TRIM16: variants seen among roughly 807,000 people sequenced by gnomAD.
TRIM16 encodes tripartite motif containing 16, also known as tripartite motif-containing protein 16.
Under a neutral mutation model 50.4 loss-of-function variants are expected in TRIM16, and 33 were observed. That is an observed-to-expected ratio of 0.65 (90% confidence interval 0.50 to 0.88). TRIM16 has a LOEUF of 0.88. TRIM16 is among the 40% of genes least tolerant of loss of function. The pLI, the probability that TRIM16 is intolerant of heterozygous loss-of-function variation, is 0.00. For missense variants in TRIM16, 581 were observed against 686.8 expected (o/e 0.85, Z 1.72); for synonymous variants, 229 against 270.7 (o/e 0.85, Z 1.51).
At chr17:15,681,359 A>G (rs1213746977) in intron 3 of TRIM16, 1 of 160,060 alleles carries the variant, frequency 6.2e-6, no homozygotes, top group Non-Finnish European at 1.4e-5. Flanking sequence ...AGCAAAAGAC[A>G]GCAGTGCCCA....
intron 6 of TRIM16, among the ~76,000 whole-genome samples, chr17:15,673,636 T>A (rs1000226461): frequency 3.3e-5 from 5 of 151,706 alleles, no homozygotes; most frequent in African/African-American, 1.2e-4. Flanking sequence ...GGGAAAATAA[T>A]TCATGGAAAC....
chr17:15,681,537 G>A (rs536042814), intron 3 of TRIM16, among the ~76,000 whole-genome samples: 1 of 152,322 alleles, frequency 6.6e-6, no homozygotes, highest in Non-Finnish European at 1.5e-5. Context: ...CGGTGTACTT[G>A]GCAGACAGCA....
chr17:15,664,462 G>C (rs1205988191), intron 6 of TRIM16, among the ~76,000 whole-genome samples: 2 of 152,030 alleles, frequency 1.3e-5, no homozygotes, highest in Non-Finnish European at 2.9e-5. Flanking sequence ...AGCATTCTAG[G>C]AGGCCGAGGT....
In TRIM16 at chr17:15,651,453, T is replaced by C. The variant is rs751946025; in HGVS notation, c.157A>G (p.Arg53Gly). 6.2e-7 allele frequency: 1 copy of C among 1,612,218 alleles called. No homozygotes were observed. The highest frequency in any genetic ancestry group is 1.1e-5 in the South Asian group (1 of 90,928). The change falls in exon 7 of 12, where the codon AGG (arginine) becomes GGG (glycine). Residue 53 changes from arginine to glycine, a missense_variant. By Grantham distance (125) the Arg-to-Gly change is moderately radical. This residue lies in a region of TRIM16 where 450 missense variants were observed against 544.3 expected (regional missense o/e 0.83). Transcript: ENST00000649191. ...TCGCTGTCCTGTTCCTCCGTCTCCC[T>C]GCCAAGCTTCTCCGAGGAGCCCACG... ...EDVGSSEKLG[R>G]ETEEQDSDSA...
At chr17:15,675,859 T>C (rs1988917209) in intron 6 of TRIM16, among the ~76,000 whole-genome samples, 4 of 148,616 alleles carry the variant, frequency 2.7e-5, no homozygotes. Flanking sequence ...ACTATACATA[T>C]ATATATACTT....
At chr17:15,653,307 C>T (rs1397011135) in intron 6 of TRIM16, among the ~76,000 whole-genome samples, 4 of 152,202 alleles carry the variant, frequency 2.6e-5, no homozygotes, top group East Asian at 1.9e-4. Flanking sequence ...CCTGCAAAAC[C>T]GTGAGCCAAA....
intron 6 of TRIM16, among the ~76,000 whole-genome samples, chr17:15,659,261 G>A (rs1988110759): frequency 6.6e-6 from 1 of 152,210 alleles, no homozygotes; most frequent in Admixed American, 6.5e-5. Context: ...AGTCTCCGAA[G>A]GTCTAGTCCT....
Position 15,665,005 on chromosome 17 carries a change from C to T in TRIM16, c.-338+12171G>A, listed in dbSNP as rs1163603539. ...AGAGATGGCACCATTGCACTCCAGC[C>T]TGGGCAACAGAGTGAGACTCCGTCT... On this transcript the variant is annotated intron_variant, in intron 6 of 11. Transcript: ENST00000649191. Among the ~76,000 whole-genome samples the T allele has an allele frequency of 4.4e-5, 6 of 136,362 alleles. No individual in the cohort carries two copies. The South Asian group carries it at 1.4e-3, about 31-fold the overall frequency. The allele number at this position is 136,362 out of a possible 152,430, so 89.5% of individuals were successfully genotyped here.
At chr17:15,666,376 C>A (rs1988502277) in intron 6 of TRIM16, among the ~76,000 whole-genome samples, 1 of 152,144 alleles carries the variant, frequency 6.6e-6, no homozygotes, top group South Asian at 2.1e-4. Context: ...GCCACTGCAC[C>A]CACCCTCAGA....
intron 4 of TRIM16, among the ~76,000 whole-genome samples, chr17:15,678,670 C>T (rs1445564690): frequency 2.0e-5 from 3 of 152,198 alleles, no homozygotes; most frequent in Non-Finnish European, 4.4e-5. Flanking sequence ...GCAAACAATA[C>T]ACTTCTATTG....
chr17:15,661,182 G>A (rs890659564), intron 6 of TRIM16, among the ~76,000 whole-genome samples: 14 of 152,332 alleles, frequency 9.2e-5, no homozygotes, highest in African/African-American at 3.4e-4. Context: ...CTAAAATGGG[G>A]ATGTAGTATC....
intron 6 of TRIM16, chr17:15,659,003 C>CG (rs59076971): frequency 3.3e-4 from 136 of 414,330 alleles, no homozygotes; most frequent in African/African-American, 2.8e-3. Flanking sequence ...TCTCAGAACA[C>CG]GATTGTTGTA....
chr17:15,633,829 C>A (rs144824975), intron 9 of TRIM16, among the ~76,000 whole-genome samples: 1 of 151,036 alleles, frequency 6.6e-6, no homozygotes, highest in African/African-American at 2.4e-5. Context: ...TGTGAGCCAC[C>A]GTGCCCGGCC....
At chr17:15,668,096 C>T (rs1381928833) in intron 6 of TRIM16, among the ~76,000 whole-genome samples, 2 of 152,284 alleles carry the variant, frequency 1.3e-5, no homozygotes, top group South Asian at 2.1e-4. Context: ...TATCTCACCC[C>T]GCACGATCTA....
chr17:15,675,967 T>C (rs1201279792), intron 6 of TRIM16, among the ~76,000 whole-genome samples: 1 of 151,826 alleles, frequency 6.6e-6, no homozygotes, highest in African/African-American at 2.4e-5. Flanking sequence ...CTCCCATGGC[T>C]TCAATTTCAT....
intron 8 of TRIM16, among the ~76,000 whole-genome samples, chr17:15,639,007 G>A (rs1172582584): frequency 1.4e-5 from 2 of 147,942 alleles, no homozygotes; most frequent in Non-Finnish European, 3.0e-5. Flanking sequence ...GAGGGGGATG[G>A]TGGGAAGACA....
At chr17:15,663,957 C>G (rs557866446) in intron 6 of TRIM16, among the ~76,000 whole-genome samples, 1 of 152,300 alleles carries the variant, frequency 6.6e-6, no homozygotes, top group African/African-American at 2.4e-5. Context: ...GTGGTGTGTA[C>G]AGGCCCCATG....
In TRIM16 at chr17:15,632,563, A is replaced by G; in HGVS notation, c.961T>C (p.Leu321=). ...RKVITESTVH[L]IQLLENYKKK... ...TTATAGTTCTCCAGCAACTGGATTA[A>G]GTGTACAGTGGATTCCGTGATAACT... is the stretch of plus-strand genomic sequence containing the variant. The change falls in exon 10 of 12, where the codon TTA becomes CTA. Residue 321 remains leucine, a synonymous_variant. Transcript: ENST00000649191. 6.2e-7 allele frequency: 1 copy of G among 1,613,688 alleles called. No individual in the cohort carries two copies. Among genetic ancestry groups the G allele is most frequent in the South Asian group, 1.1e-5 (1 of 91,026 alleles).
intron 7 of TRIM16, among the ~76,000 whole-genome samples, chr17:15,643,861 T>A (rs1326860446): frequency 6.6e-6 from 1 of 152,236 alleles, no homozygotes; most frequent in African/African-American, 2.4e-5. Context: ...ATTTTTTTAC[T>A]TAGCAGTTGA....
Sources: allele counts gnomAD v4.1 joint callset (sites outside exome capture counted in the v4.1 genomes callset), GRCh38; gene constraint gnomAD v4.1.1; regional missense constraint gnomAD v4.1.1; transcripts MANE v1.5; gene names NCBI Gene and HGNC (gene_info 2026-07-23, HGNC 2026-07-21).